Variants in THEMIS observed in about 807,000 individuals in gnomAD.
THEMIS encodes thymocyte selection associated, also known as protein THEMIS.
A neutral mutation model predicts 52.6 loss-of-function variants in THEMIS; 37 were observed. The observed-to-expected ratio is 0.70, with a 90% CI of 0.54 to 0.93. The LOEUF (loss-of-function observed/expected upper bound fraction) is 0.93, where lower values mean the gene tolerates loss of function less well. Ranked by LOEUF, THEMIS falls within the 40% of genes least tolerant of loss-of-function variation. THEMIS has a pLI of 0.00. For missense variants in THEMIS, 808 were observed against 763.1 expected (o/e 1.06, Z -0.69); for synonymous variants, 292 against 272.7 (o/e 1.07, Z -0.70).
Position 127,829,926 on chromosome 6 carries a change from TA to T in THEMIS, c.258del (p.Phe86LeufsTer27). 1 of 1,606,116 alleles carries T rather than the reference TA, an allele frequency of 6.2e-7. No individual in the cohort carries two copies. The highest frequency in any genetic ancestry group is 1.1e-5 in the South Asian group (1 of 89,952). ...TATGGAGTTTTATCAGCCACAATCT[TA>T]AAAAGACCTAAGAACAGAATTACGT... is the stretch of plus-strand genomic sequence containing the variant. ...FELPMNFPGL[F>X]KIVADKTPYL... On this transcript the variant is annotated frameshift_variant, in exon 3 of 6. Coordinates refer to ENST00000368248, the MANE Select transcript of THEMIS (RefSeq NM_001010923.3). LOFTEE classifies it high-confidence loss of function.
chr6:127,744,283 T>A (rs1775308075), intron 4 of THEMIS, among the ~76,000 whole-genome samples: 1 of 151,998 alleles, frequency 6.6e-6, no homozygotes, highest in South Asian at 2.1e-4. Context: ...TCTCTTAATA[T>A]CCTTATGTTA....
At chr6:127,862,870 A>AAT (rs1779854751) in intron 1 of THEMIS, among the ~76,000 whole-genome samples, 1 of 152,140 alleles carries the variant, frequency 6.6e-6, no homozygotes, top group Non-Finnish European at 1.5e-5. Context: ...GATATGACCT[A>AAT]ATAATCCTCA....
chr6:127,840,139 T>C (rs1406741800), intron 2 of THEMIS, among the ~76,000 whole-genome samples: 1 of 152,112 alleles, frequency 6.6e-6, no homozygotes, highest in Non-Finnish European at 1.5e-5. Flanking sequence ...TTATGAAATG[T>C]GATTGACAAT....
At chr6:127,880,181 G>A (rs1451123958) in intron 1 of THEMIS, among the ~76,000 whole-genome samples, 2 of 151,956 alleles carry the variant, frequency 1.3e-5, no homozygotes, top group East Asian at 1.9e-4. Context: ...GCATACAACA[G>A]GTGCTCAAAG....
intron 2 of THEMIS, 139 bp downstream of exon 2, chr6:127,854,891 A>T (rs1197410256): frequency 3.0e-6 from 2 of 661,714 alleles, no homozygotes; most frequent in Non-Finnish European, 4.5e-6. Flanking sequence ...AAATGATCAA[A>T]CTATAACAAT....
downstream of THEMIS, among the ~76,000 whole-genome samples, chr6:127,705,467 C>G (rs1377918027): frequency 6.6e-6 from 1 of 152,280 alleles, no homozygotes; most frequent in Non-Finnish European, 1.5e-5. Flanking sequence ...GTCACAAAGA[C>G]CAATGGTGTT....
At chr6:127,731,100 A>G (rs1774778031) in intron 4 of THEMIS, among the ~76,000 whole-genome samples, 1 of 152,130 alleles carries the variant, frequency 6.6e-6, no homozygotes, top group Non-Finnish European at 1.5e-5. Flanking sequence ...AATTCAGTGA[A>G]CCTCTGGTTA....
At chr6:127,914,718 G>A (rs907141954) in intron 1 of THEMIS, among the ~76,000 whole-genome samples, 5 of 152,118 alleles carry the variant, frequency 3.3e-5, no homozygotes, top group African/African-American at 1.2e-4. Flanking sequence ...TTAATATAAG[G>A]AATGAAAGGA....
intron 1 of THEMIS, among the ~76,000 whole-genome samples, chr6:127,907,337 A>ATGTTTTTTTTTTTT: frequency 2.0e-5 from 1 of 49,448 alleles, no homozygotes; most frequent in Non-Finnish European, 3.7e-5. Context: ...TTAGGCTCGG[A>ATGTTTTTTTTTTTT]TTTTTTTTTT....
intron 2 of THEMIS, among the ~76,000 whole-genome samples, chr6:127,847,817 A>C (rs1414119168): frequency 2.0e-5 from 3 of 151,566 alleles, no homozygotes; most frequent in Admixed American, 2.0e-4. Flanking sequence ...ATGGAACCAA[A>C]AAGAGCCCAC....
At chr6:127,831,015 C>G (rs1178448238) in intron 2 of THEMIS, among the ~76,000 whole-genome samples, 1 of 152,186 alleles carries the variant, frequency 6.6e-6, no homozygotes, top group East Asian at 1.9e-4. Flanking sequence ...TCACATAACC[C>G]TCCTTGAAAA....
downstream of THEMIS, among the ~76,000 whole-genome samples, chr6:127,705,511 A>G (rs570303313): frequency 6.6e-6 from 1 of 152,346 alleles, no homozygotes; most frequent in East Asian, 1.9e-4. Flanking sequence ...CATCCATTGA[A>G]GAAACAACCT....
chr6:127,890,244 T>A (rs532152571), intron 1 of THEMIS, among the ~76,000 whole-genome samples: 3 of 152,184 alleles, frequency 2.0e-5, no homozygotes, highest in African/African-American at 7.2e-5. Flanking sequence ...GGTCACATGA[T>A]AATCAGCATT....
At chr6:127,878,054 C>T (rs771222957) in intron 1 of THEMIS, among the ~76,000 whole-genome samples, 2 of 152,258 alleles carry the variant, frequency 1.3e-5, no homozygotes, top group African/African-American at 2.4e-5. Flanking sequence ...AAACAACTAC[C>T]GCAAATATCA....
chr6:127,744,860 CAT>C (rs1329552331), intron 4 of THEMIS, among the ~76,000 whole-genome samples: 1 of 151,774 alleles, frequency 6.6e-6, no homozygotes, highest in Non-Finnish European at 1.5e-5. Context: ...CACACACACA[CAT>C]TAGCAAAAAG....
Position 127,877,849 on chromosome 6 carries a change from T to G in THEMIS, c.92-22661A>C, listed in dbSNP as rs76806203. Among the ~76,000 whole-genome samples the G allele has an allele frequency of 6.8e-3, 1,037 of 152,186 alleles. 12 individuals carry two copies. The highest frequency in any genetic ancestry group is 0.024 in the African/African-American group (1,002 of 41,518). On this transcript the variant is annotated intron_variant, in intron 1 of 5. Coordinates refer to ENST00000368248, the MANE Select transcript of THEMIS (RefSeq NM_001010923.3). ...AGGTGTGCCACAATCCTTCAATTTG[T>G]TAAAAAAGAAAAAGCAATATTTACT... is the stretch of plus-strand genomic sequence containing the variant.
chr6:127,698,626 T>C, the THEMIS span, among the ~76,000 whole-genome samples: 2 of 152,056 alleles, frequency 1.3e-5, no homozygotes, highest in African/African-American at 4.8e-5. Flanking sequence ...TTCACTCAGA[T>C]GAAACAATCA....
At chr6:127,850,704 G>A (rs1779391660) in intron 2 of THEMIS, among the ~76,000 whole-genome samples, 1 of 151,734 alleles carries the variant, frequency 6.6e-6, no homozygotes, top group African/African-American at 2.4e-5. Context: ...AAAGGCATAA[G>A]AGTGATAAAT....
intron 2 of THEMIS, among the ~76,000 whole-genome samples, chr6:127,832,714 A>C (rs1237332207): frequency 6.7e-6 from 1 of 150,078 alleles, no homozygotes; most frequent in Non-Finnish European, 1.5e-5. Flanking sequence ...GCCAATATGC[A>C]ACCTTTATAA....
Sources: allele counts gnomAD v4.1 joint callset (sites outside exome capture counted in the v4.1 genomes callset), GRCh38; gene constraint gnomAD v4.1.1; transcripts MANE v1.5; gene names NCBI Gene and HGNC (gene_info 2026-07-23, HGNC 2026-07-21).